The following APAF1 variants were observed in gnomAD, a reference collection of about 807,000 sequenced individuals.
APAF1 encodes apoptotic protease-activating factor 1.
In APAF1, 91 loss-of-function variants were observed where a neutral mutation model predicts 152.4. The observed-to-expected ratio is 0.60, with a 90% CI of 0.50 to 0.71. The LOEUF (loss-of-function observed/expected upper bound fraction) is 0.71, where lower values mean the gene tolerates loss of function less well. Among genes scored for constraint, APAF1 ranks in the 30% least tolerant of loss-of-function variants. The pLI, the probability that APAF1 is intolerant of heterozygous loss-of-function variation, is 0.00. For missense variants in APAF1, 1,283 were observed against 1,472.0 expected, an observed-to-expected ratio of 0.87 and a Z score of 2.10; for synonymous variants, 484 against 494.1, an observed-to-expected ratio of 0.98 and a Z score of 0.27.
intron 5 of APAF1, among the ~76,000 whole-genome samples, chr12:98,660,886 C>G (rs2097664191): frequency 6.6e-6 from 1 of 152,118 alleles, no homozygotes; most frequent in African/African-American, 2.4e-5. Context: ...GTATTAATAT[C>G]AGAATATAGG....
rs1415242133 is a variant in APAF1 at position 98,715,522 on chromosome 12, T to C, written c.3054T>C (p.Leu1018=). 1 of 1,613,730 alleles carries C rather than the reference T, an allele frequency of 6.2e-7. No homozygotes were observed. Among genetic ancestry groups the C allele is most frequent in the Admixed American group, 1.7e-5 (1 of 60,000 alleles). ...HIQFTADEKT[L]ISSSDDAEIQ... Reference sequence around the variant, plus strand: ...AGTTCACAGCCGATGAGAAGACTCTTATTTCAAGTTCTGATGATGCTGAAA... The same window carrying C: ...AGTTCACAGCCGATGAGAAGACTCTCATTTCAAGTTCTGATGATGCTGAAA... Residue 1018 remains leucine, a synonymous_variant, in exon 22 of 27, where the codon CTT becomes CTC. Coordinates refer to ENST00000551964, the MANE Select transcript of APAF1 (RefSeq NM_181861.2).
intron 26 of APAF1, among the ~76,000 whole-genome samples, chr12:98,731,843 C>T (rs1404023784): frequency 6.6e-6 from 1 of 152,190 alleles, no homozygotes; most frequent in Non-Finnish European, 1.5e-5. Flanking sequence ...GACTTGGCTA[C>T]AGCCCTTGCT....
In APAF1 at chr12:98,734,444, T is replaced by C. The variant is rs2097766299; in HGVS notation, c.*1878T>C. 1 of 152,236 alleles carries C rather than the reference T, an allele frequency of 6.6e-6. No individual in the cohort carries two copies. The highest frequency in any genetic ancestry group is 1.5e-5 in the Non-Finnish European group (1 of 68,020). 9.4% of individuals were successfully genotyped at this position (152,236 alleles called of 1,614,324 possible). A position where few individuals can be genotyped will look rare whatever the true frequency, so the allele number is the denominator to read the frequency against. ...TAGATGTGGTTCCCAGAAAATATAA[T>C]CAAAATTCAAAGATTTTTTTTGTTT... On this transcript the variant is annotated 3_prime_UTR_variant, in exon 27 of 27. Coordinates refer to ENST00000551964, the MANE Select transcript of APAF1 (RefSeq NM_181861.2).
In APAF1 at chr12:98,696,528, G is replaced by T. The variant is rs184104369; in HGVS notation, c.2305-2880G>T. 4.0e-3 allele frequency among the ~76,000 whole-genome samples: 602 copies of T among 152,288 alleles called. 13 individuals are homozygous for T. The highest frequency in any genetic ancestry group is 1.2e-3 in the Non-Finnish European group (82 of 68,008). On this transcript the variant is annotated intron_variant, in intron 16 of 26. Coordinates refer to ENST00000551964, the MANE Select transcript of APAF1 (RefSeq NM_181861.2). ...CCAATTTCAACACGAGTTTGGGTCA[G>T]GATAAATAAACCATCTCCAAACCAT...
rs545928038 is a variant in APAF1, at chr12:98,701,447, C to T, written c.2466+1878C>T. On this transcript the variant is annotated intron_variant, in intron 17 of 26. Transcript: ENST00000551964. ...CTAGATTTTTCCACAGCAGCTGCACCGTTTTACATTCCACTAGCAATGTAC... is the reference window on the plus strand; with the variant it reads ...CTAGATTTTTCCACAGCAGCTGCACTGTTTTACATTCCACTAGCAATGTAC... 1.1e-4 allele frequency among the ~76,000 whole-genome samples: 16 copies of T among 152,224 alleles called. No homozygotes were observed. The South Asian group carries it at 1.9e-3, about 18-fold the overall frequency.
Position 98,666,251 on chromosome 12 carries a change from T to A in APAF1, c.1256T>A (p.Val419Glu). 6.2e-7 allele frequency: 1 copy of A among 1,613,980 alleles called. No individual in the cohort carries two copies. Residue 419 changes from valine to glutamate, a missense_variant, in exon 9 of 27, where the codon GTA becomes GAA. Coordinates refer to ENST00000551964, the MANE Select transcript of APAF1 (RefSeq NM_181861.2). ...GTTGAAGACATACTGCAGGAGTTTG[T>A]AAATAAGTCTCTTTTATTCTGTGAT... ...EEVEDILQEFVNKSLLFCDRN... is the reference protein window; with the variant it reads ...EEVEDILQEFENKSLLFCDRN...
At chr12:98,666,458 T>A (rs1343507481) in intron 9 of APAF1, 101 bp downstream of exon 9, 20 of 1,147,044 alleles carry the variant, frequency 1.7e-5, no homozygotes, top group Non-Finnish European at 2.4e-5. Flanking sequence ...TGTGCATAAG[T>A]CCTTCACCTA....
intron 18 of APAF1, among the ~76,000 whole-genome samples, chr12:98,705,762 C>G (rs991718251): frequency 6.6e-6 from 1 of 152,156 alleles, no homozygotes; most frequent in Non-Finnish European, 1.5e-5. Flanking sequence ...GTAGGTTTTA[C>G]AGTCAGTTGA....
chr12:98,731,117 A>T (rs1248376818), intron 26 of APAF1, among the ~76,000 whole-genome samples: 1 of 152,188 alleles, frequency 6.6e-6, no homozygotes, highest in Non-Finnish European at 1.5e-5. Context: ...GCCACTCATT[A>T]GCTTTGTGAC....
intron 14 of APAF1, among the ~76,000 whole-genome samples, chr12:98,680,612 A>G (rs2097691247): frequency 6.6e-6 from 1 of 152,160 alleles, no homozygotes; most frequent in East Asian, 1.9e-4. Context: ...GGGCAGTGGC[A>G]TGATCATAGC....
intron 12 of APAF1, among the ~76,000 whole-genome samples, chr12:98,673,444 A>G (rs1046721525): frequency 1.3e-5 from 2 of 148,620 alleles, no homozygotes; most frequent in African/African-American, 2.5e-5. Flanking sequence ...TCAAAAAACA[A>G]AAAAAAAAAA....
At chr12:98,702,755 G>A (rs2097716963) in intron 17 of APAF1, among the ~76,000 whole-genome samples, 1 of 151,774 alleles carries the variant, frequency 6.6e-6, no homozygotes, top group South Asian at 2.1e-4. Flanking sequence ...AACCCAGGAG[G>A]TGGAGGTTGC....
At chr12:98,722,244 T>A (rs1204441650) in intron 22 of APAF1, among the ~76,000 whole-genome samples, 1 of 152,198 alleles carries the variant, frequency 6.6e-6, no homozygotes, top group Non-Finnish European at 1.5e-5. Context: ...ATCTCCAAAT[T>A]TTCTCTAAGG....
chr12:98,728,595 C>CCTGTAG (rs1031549775), intron 26 of APAF1, among the ~76,000 whole-genome samples: 4 of 152,020 alleles, frequency 2.6e-5, no homozygotes, highest in African/African-American at 9.7e-5. Context: ...GTGGCGGGCA[C>CCTGTAG]CTGTAGTCCC....
chr12:98,648,860 T>A, intron 3 of APAF1, 45 bp downstream of exon 3: 2 of 1,570,302 alleles, frequency 1.3e-6, no homozygotes, highest in Non-Finnish European at 1.8e-6. Context: ...TCAAAATTGC[T>A]TTGGGTTTGT....
intron 21 of APAF1, among the ~76,000 whole-genome samples, chr12:98,714,862 A>T: frequency 3.9e-5 from 5 of 129,210 alleles, no homozygotes; most frequent in African/African-American, 5.9e-5. Flanking sequence ...TTTTTGACAT[A>T]GTCATTATCT....
At chr12:98,713,916 C>T (rs894692575) in intron 21 of APAF1, among the ~76,000 whole-genome samples, 1 of 151,916 alleles carries the variant, frequency 6.6e-6, no homozygotes, top group African/African-American at 2.4e-5. Flanking sequence ...TTGTCATGGC[C>T]CTTATGTCAT....
At chr12:98,683,464 A>T (rs976960375) in intron 15 of APAF1, among the ~76,000 whole-genome samples, 190 bp downstream of exon 15, 5 of 152,114 alleles carry the variant, frequency 3.3e-5, no homozygotes, top group Non-Finnish European at 7.3e-5. Flanking sequence ...TGAAAAGTCT[A>T]GAGGGAGCAT....
At chr12:98,658,856 A>C (rs78892251) in intron 4 of APAF1, among the ~76,000 whole-genome samples, 11,166 of 152,256 alleles carry the variant, frequency 0.073, 564 homozygotes, top group East Asian at 0.21. Context: ...CAAGGTTTAG[A>C]AACTGTGCTG....
Sources: gnomAD v4.1 joint callset for allele counts (sites outside exome capture counted in the v4.1 genomes callset) on GRCh38, gnomAD v4.1.1 for gene constraint, MANE v1.5 for transcripts, NCBI Gene and HGNC (gene_info 2026-07-23, HGNC 2026-07-21) for gene names.